TMTC2: variants seen among roughly 807,000 people sequenced by gnomAD.
TMTC2 encodes the protein protein O-mannosyl-transferase TMTC2.
A neutral mutation model predicts 82.4 loss-of-function variants in TMTC2; 43 were observed. The ratio of observed to expected loss-of-function variants is 0.52; its 90% CI spans 0.41 to 0.67. The LOEUF (loss-of-function observed/expected upper bound fraction) is 0.67. Ranked by LOEUF, TMTC2 falls within the 30% of genes least tolerant of loss-of-function variation. The probability of loss-of-function intolerance (pLI) is 0.00; values close to 1 mark genes in which losing one functional copy is unlikely to be tolerated. For synonymous variants in TMTC2, 408 were observed against 381.9 expected, an observed-to-expected ratio of 1.07 and a Z score of -0.80; for missense variants, 919 against 1,012.4, an observed-to-expected ratio of 0.91 and a Z score of 1.25.
At chr12:83,087,350 A>T (rs568723402) in intron 11 of TMTC2, among the ~76,000 whole-genome samples, 1 of 152,146 alleles carries the variant, frequency 6.6e-6, no homozygotes, top group African/African-American at 2.4e-5. Context: ...GAAGTCATCC[A>T]TGAGGGTTGG....
chr12:82,827,971 C>T (rs1197418459), intron 1 of TMTC2, among the ~76,000 whole-genome samples: 1 of 151,442 alleles, frequency 6.6e-6, no homozygotes, highest in African/African-American at 2.4e-5. Context: ...CGGCTCACTG[C>T]AACCTCCGCC....
At chr12:83,114,854 CTGATA>C (rs1389253867) in intron 11 of TMTC2, among the ~76,000 whole-genome samples, 1 of 151,250 alleles carries the variant, frequency 6.6e-6, no homozygotes, top group East Asian at 1.9e-4. Flanking sequence ...ATGTATATAT[CTGATA>C]TATGTGTGTA....
chr12:83,049,426 T>A (rs1462021452), intron 9 of TMTC2, among the ~76,000 whole-genome samples: 1 of 152,172 alleles, frequency 6.6e-6, no homozygotes, highest in African/African-American at 2.4e-5. Context: ...TGGTTTTCTG[T>A]TCCTGTGTTA....
intron 1 of TMTC2, among the ~76,000 whole-genome samples, chr12:82,721,749 A>C (rs143953189): frequency 3.2e-3 from 495 of 152,352 alleles, no homozygotes; most frequent in Non-Finnish European, 3.7e-3. Flanking sequence ...TCTTGCCCTG[A>C]CTAAATTTCT....
intron 1 of TMTC2, chr12:82,760,872 A>G (rs1198536064): frequency 2.4e-6 from 1 of 408,714 alleles, no homozygotes; most frequent in Admixed American, 2.6e-5. Context: ...TCACCCCCAG[A>G]TGGAACCATC....
At chr12:83,038,667 A>G (rs145883134) in intron 9 of TMTC2, among the ~76,000 whole-genome samples, 2 of 152,264 alleles carry the variant, frequency 1.3e-5, no homozygotes, top group African/African-American at 4.8e-5. Flanking sequence ...TGCCTATGTT[A>G]TTATGTTAGG....
chr12:82,920,882 C>T (rs142943180), intron 3 of TMTC2, among the ~76,000 whole-genome samples: 3 of 152,052 alleles, frequency 2.0e-5, no homozygotes, highest in African/African-American at 7.2e-5. Context: ...AGTTCCCAGC[C>T]GGCATCTTTG....
intron 7 of TMTC2, among the ~76,000 whole-genome samples, chr12:82,979,507 ATTCT>A: frequency 6.6e-6 from 1 of 151,732 alleles, no homozygotes; most frequent in East Asian, 1.9e-4. Flanking sequence ...TTAACTTTTA[ATTCT>A]TTCTGTTTAT....
At chr12:82,733,618 T>G (rs1359567424) in intron 1 of TMTC2, among the ~76,000 whole-genome samples, 1 of 152,176 alleles carries the variant, frequency 6.6e-6, no homozygotes, top group African/African-American at 2.4e-5. Flanking sequence ...AGAATTAGTT[T>G]CTAGTGGAAA....
chr12:82,915,293 T>A (rs747895702), intron 3 of TMTC2, among the ~76,000 whole-genome samples: 2 of 152,192 alleles, frequency 1.3e-5, no homozygotes, highest in Non-Finnish European at 2.9e-5. Context: ...AGTATAGCAA[T>A]ACCATCTTGT....
At chr12:82,714,130 C>T (rs1477161520) in intron 1 of TMTC2, among the ~76,000 whole-genome samples, 7 of 152,124 alleles carry the variant, frequency 4.6e-5, no homozygotes, top group African/African-American at 7.2e-5. Context: ...TTGAAATGCT[C>T]AGAAAAGGCA....
intron 1 of TMTC2, among the ~76,000 whole-genome samples, chr12:82,756,819 G>T (rs576742460): frequency 6.6e-6 from 1 of 152,138 alleles, no homozygotes; most frequent in Non-Finnish European, 1.5e-5. Flanking sequence ...GGGCAACTAC[G>T]ATTCCAAATA....
intron 1 of TMTC2, among the ~76,000 whole-genome samples, chr12:82,696,964 G>GTATATATATATATATATATATATATATA (rs3993380): frequency 1.6e-4 from 22 of 141,536 alleles, no homozygotes; most frequent in African/African-American, 5.5e-4. Flanking sequence ...ACATACATAC[G>GTATATATATATATATATATATATATATA]TATATATATA....
At chr12:82,859,413 A>G (rs531738118) in intron 2 of TMTC2, among the ~76,000 whole-genome samples, 1 of 152,006 alleles carries the variant, frequency 6.6e-6, no homozygotes, top group Admixed American at 6.6e-5. Context: ...TAAGTTAGGG[A>G]ATTATTTGGC....
At position 82,716,426 on chromosome 12, in the gene TMTC2, C is replaced by T. The variant is rs1057043067; in HGVS notation, c.83+28757C>T. On this transcript the variant is annotated intron_variant, in intron 1 of 11. Coordinates refer to ENST00000321196, the MANE Select transcript of TMTC2 (RefSeq NM_152588.3). ...TCGCCCAGGCTGGAGTGCAGTGGCG[C>T]GATCTCGACTCACTGCAAGCTCCGC... is the stretch of plus-strand genomic sequence containing the variant. Among the ~76,000 whole-genome samples the T allele has an allele frequency of 4.0e-5, 6 of 149,286 alleles. No homozygotes were observed. In the East Asian group the frequency reaches 6.0e-4, roughly 15 times the overall value.
In TMTC2 at chr12:83,133,033, ATGTT is replaced by A. The variant is rs1885315664; in HGVS notation, c.*645_*648del. On this transcript the variant is annotated 3_prime_UTR_variant, in exon 12 of 12. Transcript: ENST00000321196. ...TTCTTTTGGACATCATTTGCTTTTT[ATGTT>A]CTGAAAAGGATATGGAGAGTAGAGC... 2 of 152,122 alleles carry A rather than the reference ATGTT, an allele frequency of 1.3e-5. No homozygotes were observed. The highest frequency in any genetic ancestry group is 4.8e-5 in the African/African-American group (2 of 41,402). 9.4% of individuals were successfully genotyped at this position (152,122 alleles called of 1,614,324 possible). A position where few individuals can be genotyped will look rare whatever the true frequency, so the allele number is the denominator to read the frequency against.
intron 8 of TMTC2, among the ~76,000 whole-genome samples, chr12:83,018,066 A>T (rs575415850): frequency 4.0e-5 from 6 of 148,636 alleles, no homozygotes; most frequent in Middle Eastern, 3.6e-3. Flanking sequence ...TATATATATA[A>T]AATTAGAGAA....
chr12:82,863,837 T>C (rs1366133647), intron 2 of TMTC2, among the ~76,000 whole-genome samples: 11 of 152,138 alleles, frequency 7.2e-5, no homozygotes, highest in Non-Finnish European at 1.3e-4. Context: ...CAGGACTTTA[T>C]AGAGTAGTAT....
At chr12:82,789,943 T>TG (rs1239790195) in intron 1 of TMTC2, among the ~76,000 whole-genome samples, 1 of 152,124 alleles carries the variant, frequency 6.6e-6, no homozygotes, top group East Asian at 1.9e-4. Flanking sequence ...CTGGGCACAG[T>TG]GGCTCATGCC....
Sources: allele counts gnomAD v4.1 joint callset (sites outside exome capture counted in the v4.1 genomes callset), GRCh38; gene constraint gnomAD v4.1.1; transcripts MANE v1.5; gene names NCBI Gene and HGNC (gene_info 2026-07-23, HGNC 2026-07-21).